PIGT: variants seen among roughly 807,000 people sequenced by gnomAD.
The protein encoded by PIGT is GPI-anchor transamidase component PIGT.
In PIGT, 57 loss-of-function variants were observed where a neutral mutation model predicts 66.7. The observed-to-expected ratio is 0.86, with a 90% CI of 0.69 to 1.07. The LOEUF (loss-of-function observed/expected upper bound fraction) is 1.07, where lower values mean the gene tolerates loss of function less well. PIGT is among the 50% of genes least tolerant of loss of function. The pLI, the probability that PIGT is intolerant of heterozygous loss-of-function variation, is 0.00. For missense variants in PIGT, 725 were observed against 740.4 expected, an observed-to-expected ratio of 0.98 and a Z score of 0.24; for synonymous variants, 362 against 320.5, an observed-to-expected ratio of 1.13 and a Z score of -1.38.
rs2145433053 is a variant in PIGT, at chr20:45,416,558, A to T, written c.229A>T (p.Ile77Phe). ...CTTTCCCAAAGCCCTGGGGCAGCTG[A>T]TCTCCAAGTATTCTCTACGGGAGCT... The part of the protein sequence containing the change: ...RLFPKALGQL[I>F]SKYSLRELHL... The change falls in exon 2 of 12, where the codon ATC (isoleucine) becomes TTC (phenylalanine). Residue 77 changes from isoleucine (I) to phenylalanine (F), a missense_variant. By Grantham distance (21) the Ile-to-Phe change is conservative. This residue lies in a region of PIGT where 559 missense variants were observed against 552.7 expected (regional missense o/e 1.01). Coordinates refer to ENST00000279036, the MANE Select transcript of PIGT (RefSeq NM_015937.6). The T allele has an allele frequency of 6.2e-7, 1 of 1,614,146 alleles. No homozygotes were observed. The highest frequency in any genetic ancestry group is 8.5e-7 in the Non-Finnish European group (1 of 1,180,018).
At chr20:45,419,851 C>A in intron 5 of PIGT, 1 of 600,584 alleles carries the variant, frequency 1.7e-6, no homozygotes, top group East Asian at 2.8e-5. Flanking sequence ...GCTGGCGTAA[C>A]CTTGGGTGAA....
At chr20:45,423,867 T>G (rs959044396) in intron 9 of PIGT, 3 of 305,210 alleles carry the variant, frequency 9.8e-6, no homozygotes, top group Admixed American at 8.4e-5. Flanking sequence ...CTGATTAGAT[T>G]CATGTCCCAC....
In PIGT at chr20:45,421,831, A is replaced by C. The variant is rs549284652; in HGVS notation, c.1234+248A>C. On this transcript the variant is annotated intron_variant, in intron 9 of 11. Transcript: ENST00000279036. ...ATTCTTAATAGGACTGTACAAGGAC[A>C]GTAGCTTCCTTTTTCACTTACTTTT... is the stretch of plus-strand genomic sequence containing the variant. The C allele has an allele frequency of 2.0e-4, 89 of 449,342 alleles. 1 individual carries two copies. The highest frequency in any genetic ancestry group is 1.6e-3 in the Admixed American group (41 of 26,146). 27.8% of individuals were successfully genotyped at this position (449,342 alleles called of 1,614,324 possible).
In PIGT at chr20:45,425,404, G is replaced by A. The variant is rs73907960; in HGVS notation, c.1485-170G>A. On this transcript the variant is annotated intron_variant, in intron 11 of 11. Transcript: ENST00000279036. ...TCCCTCCCCTTGCCCCCCGCCCGCC[G>A]CTCCCCTTTATCAGGTTTAGAGATT... The A allele has an allele frequency of 0.01, 3,139 of 304,530 alleles. 100 individuals carry two copies. The highest frequency in any genetic ancestry group is 0.065 in the African/African-American group (2,852 of 43,638). 18.9% of individuals were successfully genotyped at this position (304,530 alleles called of 1,614,324 possible). A position where few individuals can be genotyped will look rare whatever the true frequency, so the allele number is the denominator to read the frequency against.
chr20:45,425,137 CTTT>C (rs1568954673), intron 11 of PIGT: 5 of 135,388 alleles, frequency 3.7e-5, no homozygotes, highest in Non-Finnish European at 8.0e-5. Context: ...CTCTTTCTTT[CTTT>C]CTCTTTCTTT....
At position 45,426,239 on chromosome 20, in the gene PIGT, G is replaced by C. The variant is rs1437973632; in HGVS notation, c.*413G>C. The C allele has an allele frequency of 5.5e-6, 1 of 181,180 alleles. No homozygotes were observed. Among genetic ancestry groups the C allele is most frequent in the Non-Finnish European group, 1.2e-5 (1 of 84,874 alleles). 11.2% of individuals were successfully genotyped at this position (181,180 alleles called of 1,614,324 possible). A position where few individuals can be genotyped will look rare whatever the true frequency, so the allele number is the denominator to read the frequency against. ...TTGTGGAATAAAAACGGCTGTTTCC[G>C]TGGTTCTTTGCCTCTTGTCCTTGAG... On this transcript the variant is annotated 3_prime_UTR_variant, in exon 12 of 12. Coordinates refer to ENST00000279036, the MANE Select transcript of PIGT (RefSeq NM_015937.6).
In PIGT at chr20:45,419,351, G is replaced by A. The variant is rs774753616; in HGVS notation, c.550G>A (p.Glu184Lys). Residue 184 changes from glutamate (E) to lysine (K), a missense_variant, in exon 4 of 12, where the codon GAA becomes AAA. By Grantham distance (56) the Glu-to-Lys change is moderately conservative (BLOSUM62 1). This residue lies in a region of PIGT where 559 missense variants were observed against 552.7 expected (regional missense o/e 1.01). Transcript: ENST00000279036. The part of the protein sequence containing the change: ...AVLPREVVCT[E>K]NLTPWKKLLP... ...GCTGCCGCGGGAGGTGGTCTGCACCGAAAACCTCACCCCCTGGAAGAAGCT... is the reference window on the plus strand; with the variant it reads ...GCTGCCGCGGGAGGTGGTCTGCACCAAAAACCTCACCCCCTGGAAGAAGCT... The A allele has an allele frequency of 4.3e-6, 7 of 1,613,982 alleles. No homozygotes were observed. The highest frequency in any genetic ancestry group is 2.2e-5 in the South Asian group (2 of 91,084).
chr20:45,424,098 T>A, intron 9 of PIGT, 118 bp from the exon 10 acceptor site: 1 of 849,592 alleles, frequency 1.2e-6, no homozygotes, highest in East Asian at 2.6e-5. Context: ...CTGGCTTCTA[T>A]GCTCCCAAGC....
rs1012986197 is a variant in PIGT at position 45,425,881 on chromosome 20, A to G, written c.*55A>G. On this transcript the variant is annotated 3_prime_UTR_variant, in exon 12 of 12. Transcript: ENST00000279036. ...CGTTTCTCTCTGGGGAGGGGAGCCC[A>G]AGGGCTGTTTCTGCCACTTGCTCTC... is the stretch of plus-strand genomic sequence containing the variant. The G allele has an allele frequency of 6.3e-7, 1 of 1,580,328 alleles. No homozygotes were observed.
chr20:45,416,603 G>A lies in PIGT; in HGVS notation c.274G>A (p.Gly92Ser), dbSNP rs560732287. 1.2e-6 allele frequency: 2 copies of A among 1,614,216 alleles called. No individual in the cohort carries two copies. Among genetic ancestry groups the A allele is most frequent in the Admixed American group, 3.3e-5 (2 of 60,028 alleles). ...LRELHLSFTQGFWRTRYWGPP... is the reference protein window; with the variant it reads ...LRELHLSFTQSFWRTRYWGPP... ...GGAGCTGCACCTGTCATTCACACAA[G>A]GCTTTTGGAGGACCCGATACTGGGG... The change falls in exon 2 of 12, where the codon GGC (glycine) becomes AGC (serine). Residue 92 changes from glycine (G) to serine (S), a missense_variant. Gly to Ser is a moderately conservative substitution (Grantham distance 56, BLOSUM62 0). Around this residue, in one of 3 missense-constraint regions of PIGT, gnomAD observed 559 missense variants for 552.7 expected, o/e 1.01. Transcript: ENST00000279036.
In PIGT at chr20:45,419,398, G is replaced by A; in HGVS notation, c.594+3G>A. ...AGCTCTTGCCCTGTAGTTCCAAGGTGAGGCCGCAGAGCCTGGCAGCCGGGG... is the reference window on the plus strand; with the variant it reads ...AGCTCTTGCCCTGTAGTTCCAAGGTAAGGCCGCAGAGCCTGGCAGCCGGGG... On this transcript the variant is annotated splice_donor_region_variant and intron_variant, in intron 4 of 11. Transcript: ENST00000279036. The A allele has an allele frequency of 1.9e-6, 3 of 1,610,634 alleles. No homozygotes were observed. Among genetic ancestry groups the A allele is most frequent in the Non-Finnish European group, 8.5e-7 (1 of 1,178,836 alleles).
chr20:45,418,798 AAG>A lies in PIGT; in HGVS notation c.366-51_366-50del, dbSNP rs1190951391. ...TTTAGCAGCCAGCTGTGGACTTTGAAAGAGGGAGCAGAGGTAGCCCCAGGACA... is the reference window on the plus strand; with the variant it reads ...TTTAGCAGCCAGCTGTGGACTTTGAAAGGGAGCAGAGGTAGCCCCAGGACA... On this transcript the variant is annotated intron_variant, in intron 2 of 11. Coordinates refer to ENST00000279036, the MANE Select transcript of PIGT (RefSeq NM_015937.6). 74 of 1,609,396 alleles carry A rather than the reference AAG, an allele frequency of 4.6e-5. No individual in the cohort carries two copies. In the East Asian group the frequency reaches 1.5e-3, roughly 34 times the overall value.
In PIGT at chr20:45,419,628, G is replaced by A. The variant is rs775435014; in HGVS notation, c.681+38G>A. On this transcript the variant is annotated intron_variant, in intron 5 of 11. Transcript: ENST00000279036. ...GAGTAGAGGAAGCTGCCATCCAGGG[G>A]CTCAGAGAAGGTACATGTAAAGCAT... 4 of 1,406,138 alleles carry A rather than the reference G, an allele frequency of 2.8e-6. No individual in the cohort carries two copies. In the Admixed American group the frequency reaches 5.0e-5, roughly 18 times the overall value. 87.1% of individuals were successfully genotyped at this position (1,406,138 alleles called of 1,614,324 possible). A position where few individuals can be genotyped will look rare whatever the true frequency, so the allele number is the denominator to read the frequency against.
rs1377337561 is a variant in PIGT at position 45,420,594 on chromosome 20, C to T, written c.934C>T (p.Arg312Trp). Residue 312 changes from arginine (R) to tryptophan (W), a missense_variant, in exon 8 of 12, where the codon CGG becomes TGG. Physicochemically the swap from Arg to Trp is moderately radical, Grantham distance 101. This residue lies in a region of PIGT where 559 missense variants were observed against 552.7 expected (regional missense o/e 1.01). Coordinates refer to ENST00000279036, the MANE Select transcript of PIGT (RefSeq NM_015937.6). The part of the protein sequence containing the change: ...TTYQDVILGT[R>W]KTYAIYDLLD... The stretch of plus-strand genomic sequence containing the variant: ...ATATCAGGACGTCATCCTAGGCACT[C>T]GGAAGACCTATGCCATCTATGACTT... 1.1e-5 allele frequency: 17 copies of T among 1,613,744 alleles called. No individual in the cohort carries two copies. Among genetic ancestry groups the T allele is most frequent in the Middle Eastern group, 3.3e-4 (2 of 6,062 alleles).
chr20:45,424,835 A>C (rs1055990693), intron 11 of PIGT: 8 of 528,062 alleles, frequency 1.5e-5, no homozygotes, highest in Middle Eastern at 5.0e-4. Flanking sequence ...TTAAATATTT[A>C]ATCAAGCACT....
chr20:45,425,141 CTCTTTCTTT>C (rs1990637933), intron 11 of PIGT: 1 of 79,986 alleles, frequency 1.3e-5, no homozygotes, highest in Non-Finnish European at 3.0e-5. Flanking sequence ...TTCTTTCTTT[CTCTTTCTTT>C]CTTTCTTTCT....
In PIGT at chr20:45,425,904, C is replaced by G; in HGVS notation, c.*78C>G. The G allele has an allele frequency of 4.6e-6, 7 of 1,528,208 alleles. No individual in the cohort carries two copies. In the Admixed American group the frequency reaches 5.6e-5, roughly 12 times the overall value. The allele number at this position is 1,528,208 out of a possible 1,614,324, so 94.7% of individuals were successfully genotyped here. A position where few individuals can be genotyped will look rare whatever the true frequency, so the allele number is the denominator to read the frequency against. ...CCAAGGGCTGTTTCTGCCACTTGCTCTCCTCAGAGTTGGCTTTTGAACCAA... is the reference window on the plus strand; with the variant it reads ...CCAAGGGCTGTTTCTGCCACTTGCTGTCCTCAGAGTTGGCTTTTGAACCAA... On this transcript the variant is annotated 3_prime_UTR_variant, in exon 12 of 12. Transcript: ENST00000279036.
At chr20:45,425,501 C>T in intron 11 of PIGT, 73 bp from the exon 12 acceptor site, 1 of 1,499,090 alleles carries the variant, frequency 6.7e-7, no homozygotes, top group South Asian at 1.2e-5. Flanking sequence ...TTGCCCAATA[C>T]TGCCGGAATG....
At chr20:45,420,465 G>A (rs778789203) in intron 7 of PIGT, 36 bp downstream of exon 7, 22 of 1,609,640 alleles carry the variant, frequency 1.4e-5, no homozygotes, top group Non-Finnish European at 1.9e-5. Context: ...CAAACACACC[G>A]CTGGTCCCCA....
Sources: allele counts gnomAD v4.1 joint callset, GRCh38; gene constraint gnomAD v4.1.1; regional missense constraint gnomAD v4.1.1; transcripts MANE v1.5; gene names NCBI Gene and HGNC (gene_info 2026-07-23, HGNC 2026-07-21).